The following PDGFC variants were observed in gnomAD, a reference collection of about 807,000 sequenced individuals.
PDGFC encodes platelet-derived growth factor C.
PDGFC carries 12 observed loss-of-function variants against 35.5 expected under a neutral mutation model. That is an observed-to-expected ratio of 0.34 (90% CI 0.22 to 0.55). The LOEUF is 0.55. Ranked by LOEUF, PDGFC falls within the 20% of genes least tolerant of loss-of-function variation. The pLI, the probability that PDGFC is intolerant of heterozygous loss-of-function variation, is 0.91. For missense variants in PDGFC, 322 were observed against 412.4 expected, an observed-to-expected ratio of 0.78 and a Z score of 1.90; for synonymous variants, 159 against 148.8, an observed-to-expected ratio of 1.07 and a Z score of -0.50.
intron 3 of PDGFC, among the ~76,000 whole-genome samples, chr4:156,804,402 C>G (rs182860164): frequency 1.1e-4 from 17 of 152,048 alleles, no homozygotes; most frequent in Non-Finnish European, 2.1e-4. Context: ...TTTTAATATG[C>G]TCTTGAGAGA....
intron 1 of PDGFC, among the ~76,000 whole-genome samples, chr4:156,917,348 G>C (rs1180137762): frequency 2.0e-5 from 3 of 152,186 alleles, no homozygotes; most frequent in Admixed American, 6.5e-5. Context: ...ATAGTTCTAT[G>C]GGAAATTTAT....
intron 1 of PDGFC, among the ~76,000 whole-genome samples, chr4:156,875,111 A>G (rs1233733921): frequency 2.6e-5 from 4 of 152,260 alleles, no homozygotes; most frequent in South Asian, 2.1e-4. Context: ...ATTAACAGGG[A>G]AAAAAAGCAA....
At chr4:156,931,986 T>C (rs983484139) in intron 1 of PDGFC, among the ~76,000 whole-genome samples, 44 of 152,170 alleles carry the variant, frequency 2.9e-4, no homozygotes, top group African/African-American at 1.1e-3. Context: ...CTGACATTTA[T>C]AGTATATGAT....
chr4:156,956,302 A>G (rs1419386057), intron 1 of PDGFC, among the ~76,000 whole-genome samples: 1 of 152,052 alleles, frequency 6.6e-6, no homozygotes, highest in East Asian at 1.9e-4. Context: ...AACAATGTAG[A>G]CTTTCCTTAC....
intron 2 of PDGFC, among the ~76,000 whole-genome samples, chr4:156,837,940 T>C (rs906914183): frequency 1.3e-5 from 2 of 151,930 alleles, no homozygotes; most frequent in African/African-American, 4.8e-5. Context: ...CTTGGTCAGA[T>C]CCCCACCCTC....
At chr4:156,949,021 G>C (rs1159794631) in intron 1 of PDGFC, among the ~76,000 whole-genome samples, 1 of 151,896 alleles carries the variant, frequency 6.6e-6, no homozygotes, top group South Asian at 2.1e-4. Context: ...AGAAAGGTGA[G>C]AAAGGATTAT....
chr4:156,778,326 A>G, intron 3 of PDGFC: 1 of 217,150 alleles, frequency 4.6e-6, no homozygotes, highest in South Asian at 4.6e-5. Context: ...AATGTGGACC[A>G]GAAAAAAAGT....
intron 1 of PDGFC, among the ~76,000 whole-genome samples, chr4:156,903,589 T>A (rs1341187489): frequency 2.0e-5 from 3 of 152,060 alleles, no homozygotes; most frequent in African/African-American, 7.2e-5. Flanking sequence ...GAATAGATAC[T>A]AAGAATAAAA....
At chr4:156,890,510 G>A (rs530535017) in intron 1 of PDGFC, among the ~76,000 whole-genome samples, 15 of 152,202 alleles carry the variant, frequency 9.9e-5, no homozygotes, top group African/African-American at 3.1e-4. Context: ...ACAAGTCTGA[G>A]CTTTTCTGAC....
At chr4:156,926,294 C>T (rs1731410624) in intron 1 of PDGFC, among the ~76,000 whole-genome samples, 1 of 152,036 alleles carries the variant, frequency 6.6e-6, no homozygotes, top group Non-Finnish European at 1.5e-5. Context: ...AGGTTAAAGA[C>T]TGACCATGAT....
At chr4:156,779,267 A>C (rs1187487885) in intron 3 of PDGFC, 1 of 440,778 alleles carries the variant, frequency 2.3e-6, no homozygotes, top group Non-Finnish European at 4.5e-6. Context: ...TCATGTTTTT[A>C]AATTATTTTT....
chr4:156,890,878 T>C (rs1186121906), intron 1 of PDGFC, among the ~76,000 whole-genome samples: 1 of 152,194 alleles, frequency 6.6e-6, no homozygotes. Flanking sequence ...AATTTTTCTG[T>C]AGGTAACCAT....
chr4:156,913,707 A>G (rs781461128), intron 1 of PDGFC, among the ~76,000 whole-genome samples: 11 of 152,136 alleles, frequency 7.2e-5, no homozygotes, highest in Non-Finnish European at 1.5e-4. Context: ...AAGTGGTGTC[A>G]GAAGTGGGAT....
intron 1 of PDGFC, among the ~76,000 whole-genome samples, chr4:156,958,912 T>C (rs1732274233): frequency 6.6e-6 from 1 of 152,082 alleles, no homozygotes. Flanking sequence ...AGCAGTTTTA[T>C]TACAAGACTG....
intron 3 of PDGFC, among the ~76,000 whole-genome samples, chr4:156,784,645 T>A (rs1731073044): frequency 6.6e-6 from 1 of 152,084 alleles, no homozygotes; most frequent in Admixed American, 6.6e-5. Context: ...ATATAATAAG[T>A]ACAGAAATAC....
chr4:156,935,232 AT>A (rs1731649562), intron 1 of PDGFC, among the ~76,000 whole-genome samples: 1 of 152,108 alleles, frequency 6.6e-6, no homozygotes, highest in East Asian at 1.9e-4. Context: ...TCTTGACCTC[AT>A]GACCTGCCCG....
At chr4:156,964,935 G>A (rs1175197797) in intron 1 of PDGFC, among the ~76,000 whole-genome samples, 1 of 152,152 alleles carries the variant, frequency 6.6e-6, no homozygotes, top group African/African-American at 2.4e-5. Flanking sequence ...TGTCATCTAT[G>A]CAACATTTTC....
At chr4:156,793,827 T>TAA (rs71602277) in intron 3 of PDGFC, among the ~76,000 whole-genome samples, 28 of 146,510 alleles carry the variant, frequency 1.9e-4, no homozygotes, top group Middle Eastern at 3.6e-3. Context: ...ATTTTTGGAT[T>TAA]AAAAAAAAAA....
At chr4:156,855,855 T>C (rs1335950828) in intron 1 of PDGFC, among the ~76,000 whole-genome samples, 1 of 152,158 alleles carries the variant, frequency 6.6e-6, no homozygotes, top group Non-Finnish European at 1.5e-5. Context: ...TATATACACA[T>C]ATAGTTTCAC....
Sources: gnomAD v4.1 joint callset for allele counts (sites outside exome capture counted in the v4.1 genomes callset) on GRCh38, gnomAD v4.1.1 for gene constraint, MANE v1.5 for transcripts, NCBI Gene and HGNC (gene_info 2026-07-23, HGNC 2026-07-21) for gene names.